TRHDE: variants seen among roughly 807,000 people sequenced by gnomAD.
TRHDE encodes thyrotropin releasing hormone degrading enzyme, also known as thyrotropin-releasing hormone-degrading ectoenzyme.
Under a neutral mutation model 125.7 loss-of-function variants are expected in TRHDE, and 72 were observed. The observed-to-expected ratio is 0.57, with a 90% CI of 0.47 to 0.70. TRHDE has a LOEUF of 0.70. TRHDE is among the 30% of genes least tolerant of loss of function. The pLI is 0.00. For synonymous variants in TRHDE, 509 were observed against 509.1 expected (o/e 1.00, Z 0.00); for missense variants, 1,110 against 1,327.1 (o/e 0.84, Z 2.54).
Position 72,545,090 on chromosome 12 carries a change from A to G in TRHDE, c.1788+2734A>G, listed in dbSNP as rs1869350494. The stretch of plus-strand genomic sequence containing the variant: ...TTGGTGATTTGTTGGTGATACCACC[A>G]GCAAATTAGCTTCCATTTTAATGTT... On this transcript the variant is annotated intron_variant, in intron 7 of 18. Transcript: ENST00000261180. 4.0e-5 allele frequency among the ~76,000 whole-genome samples: 6 copies of G among 151,524 alleles called. No individual in the cohort carries two copies. In the Admixed American group the frequency reaches 4.0e-4, roughly 10 times the overall value.
At chr12:72,129,138 C>T (rs1162032680) in intron 2 of TRHDE, among the ~76,000 whole-genome samples, 3 of 152,040 alleles carry the variant, frequency 2.0e-5, no homozygotes. Context: ...AGAAAAAAGT[C>T]CACTTGGAAC....
At chr12:72,402,659 C>T (rs956808642) in intron 3 of TRHDE, among the ~76,000 whole-genome samples, 6 of 152,192 alleles carry the variant, frequency 3.9e-5, no homozygotes, top group African/African-American at 7.2e-5. Flanking sequence ...GTCACATTCA[C>T]AGGTACTGAG....
chr12:72,346,956 G>A (rs1487977100), intron 2 of TRHDE, among the ~76,000 whole-genome samples: 2 of 152,012 alleles, frequency 1.3e-5, no homozygotes, highest in African/African-American at 4.8e-5. Context: ...TAGTTCCTTG[G>A]TGTAAGGCAG....
At chr12:72,373,162 G>A (rs1871693830) in intron 2 of TRHDE, among the ~76,000 whole-genome samples, 1 of 152,040 alleles carries the variant, frequency 6.6e-6, no homozygotes, top group African/African-American at 2.4e-5. Context: ...ATTGTGAATG[G>A]GAGTTCACTC....
chr12:72,655,431 C>T lies in TRHDE; in HGVS notation c.2985-1496C>T, dbSNP rs150336301. 4.8e-4 allele frequency among the ~76,000 whole-genome samples: 73 copies of T among 152,188 alleles called. No homozygotes were observed. The Middle Eastern group carries it at 0.014, about 28-fold the overall frequency. On this transcript the variant is annotated intron_variant, in intron 17 of 18. Transcript: ENST00000261180. ...TGTCTGCACAAACCATGTCTTTTCACGTCTCTTTTTCTTTGTTTATGTTCA... is the reference window on the plus strand; with the variant it reads ...TGTCTGCACAAACCATGTCTTTTCATGTCTCTTTTTCTTTGTTTATGTTCA...
chr12:72,514,333 A>G lies in TRHDE; in HGVS notation c.1722+14698A>G, dbSNP rs73346587. Among the ~76,000 whole-genome samples the G allele has an allele frequency of 2.9e-3, 442 of 152,312 alleles. 2 individuals are homozygous for G. Among genetic ancestry groups the G allele is most frequent in the African/African-American group, 0.01 (429 of 41,588 alleles). ...AGACACTGGATGCATGACTTAGACC[A>G]TAAAATAATATATTAATAAATTTGA... On this transcript the variant is annotated intron_variant, in intron 6 of 18. Transcript: ENST00000261180.
At chr12:72,113,297 G>A (rs1875363726) in intron 2 of TRHDE, among the ~76,000 whole-genome samples, 1 of 151,978 alleles carries the variant, frequency 6.6e-6, no homozygotes, top group African/African-American at 2.4e-5. Flanking sequence ...TGGATTACAG[G>A]TGTGAGCCAC....
intron 3 of TRHDE, among the ~76,000 whole-genome samples, chr12:72,416,891 T>C (rs1321811949): frequency 6.6e-6 from 1 of 152,070 alleles, no homozygotes. Context: ...ATTTTAGGAC[T>C]ACTTTTCTAT....
At chr12:72,414,461 AT>A (rs1376965913) in intron 3 of TRHDE, among the ~76,000 whole-genome samples, 3 of 152,152 alleles carry the variant, frequency 2.0e-5, no homozygotes, top group African/African-American at 7.2e-5. Context: ...TTAAAAAGAC[AT>A]TCATAGATTT....
chr12:72,389,494 A>G (rs1240451555), intron 3 of TRHDE, among the ~76,000 whole-genome samples: 3 of 152,186 alleles, frequency 2.0e-5, no homozygotes, highest in African/African-American at 7.2e-5. Context: ...CAACAGAAGT[A>G]TATTTTCTCA....
intron 15 of TRHDE, among the ~76,000 whole-genome samples, chr12:72,626,914 T>C (rs950106860): frequency 2.6e-5 from 4 of 151,984 alleles, no homozygotes. Flanking sequence ...GGTGTGGTCC[T>C]ATTTCCTCAG....
At chr12:72,357,235 C>A (rs973717560) in intron 2 of TRHDE, among the ~76,000 whole-genome samples, 1 of 151,470 alleles carries the variant, frequency 6.6e-6, no homozygotes, top group Non-Finnish European at 1.5e-5. Flanking sequence ...CAAGGCAATC[C>A]TAAGCAATAA....
intron 5 of TRHDE, among the ~76,000 whole-genome samples, chr12:72,493,166 TA>T (rs977414457): frequency 1.2e-4 from 19 of 152,052 alleles, no homozygotes; most frequent in Non-Finnish European, 2.5e-4. Context: ...TTCCAAGGAT[TA>T]AAAAACTTCC....
intron 6 of TRHDE, among the ~76,000 whole-genome samples, chr12:72,526,082 A>C (rs114587646): frequency 0.071 from 10,779 of 152,158 alleles, 451 homozygotes; most frequent in Middle Eastern, 0.12. Context: ...AATTATATCT[A>C]GTTTTTAAAA....
intron 2 of TRHDE, among the ~76,000 whole-genome samples, chr12:72,375,388 T>G (rs967594099): frequency 1.3e-5 from 2 of 152,182 alleles, no homozygotes; most frequent in African/African-American, 4.8e-5. Flanking sequence ...TGTTTTATCT[T>G]CTTGCTTAAA....
intron 12 of TRHDE, among the ~76,000 whole-genome samples, chr12:72,616,279 A>G (rs546504968): frequency 2.8e-4 from 43 of 152,142 alleles, no homozygotes; most frequent in Non-Finnish European, 4.4e-4. Flanking sequence ...ATATTAAGCG[A>G]CTAAAGAATG....
Position 72,291,281 on chromosome 12 carries a change from G to A in TRHDE, c.1188+4327G>A, listed in dbSNP as rs190678154. 1.3e-4 allele frequency among the ~76,000 whole-genome samples: 20 copies of A among 152,246 alleles called. No homozygotes were observed. The East Asian group carries it at 1.5e-3, about 12-fold the overall frequency. On this transcript the variant is annotated intron_variant, in intron 2 of 18. Transcript: ENST00000261180. Reference sequence around the variant, plus strand: ...AATAATAAGACTGGAATATGGTTATGACAAAAGCCATTTCCATTCAAGAAT... The same window carrying A: ...AATAATAAGACTGGAATATGGTTATAACAAAAGCCATTTCCATTCAAGAAT...
At chr12:72,293,922 A>G (rs923243404) in intron 2 of TRHDE, among the ~76,000 whole-genome samples, 2 of 152,200 alleles carry the variant, frequency 1.3e-5, no homozygotes, top group South Asian at 4.1e-4. Context: ...CATGGGGTCC[A>G]GCCACGGTGC....
chr12:72,665,179 A>T lies in TRHDE; in HGVS notation c.*1984A>T, dbSNP rs1008792552. The T allele has an allele frequency of 6.6e-6, 1 of 152,098 alleles. No homozygotes were observed. The highest frequency in any genetic ancestry group is 2.4e-5 in the African/African-American group (1 of 41,440). 9.4% of individuals were successfully genotyped at this position (152,098 alleles called of 1,614,324 possible). A position where few individuals can be genotyped will look rare whatever the true frequency, so the allele number is the denominator to read the frequency against. ...TGAATTCATGTAATAGATAAGAAAA[A>T]AATTAGAGGTGGATGTCTTGTTTTG... is the stretch of plus-strand genomic sequence containing the variant. On this transcript the variant is annotated 3_prime_UTR_variant, in exon 19 of 19. Transcript: ENST00000261180.
Sources: gnomAD v4.1 joint callset for allele counts (sites outside exome capture counted in the v4.1 genomes callset) on GRCh38, gnomAD v4.1.1 for gene constraint, MANE v1.5 for transcripts, NCBI Gene and HGNC (gene_info 2026-07-23, HGNC 2026-07-21) for gene names.